The following LIMD1 variants were observed in gnomAD, a reference collection of about 807,000 sequenced individuals.
LIMD1 encodes the protein LIM domain-containing protein 1.
LIMD1 carries 23 observed loss-of-function variants against 58.4 expected under a neutral mutation model. The ratio of observed to expected loss-of-function variants is 0.39; its 90% confidence interval spans 0.28 to 0.56. The LOEUF (loss-of-function observed/expected upper bound fraction) is 0.56. LIMD1 is among the 20% of genes least tolerant of loss of function. The pLI is 0.57. For synonymous variants in LIMD1, 334 were observed against 345.5 expected (o/e 0.97, Z 0.37); for missense variants, 838 against 855.5 (o/e 0.98, Z 0.25).
At chr3:45,660,319 CA>C (rs1344828137) in intron 2 of LIMD1, among the ~76,000 whole-genome samples, 1 of 151,760 alleles carries the variant, frequency 6.6e-6, no homozygotes, top group African/African-American at 2.4e-5. Flanking sequence ...TGGGGAGCTC[CA>C]CAAGTAAAGA....
At chr3:45,654,416 AT>A (rs1215996616) in intron 2 of LIMD1, among the ~76,000 whole-genome samples, 1 of 152,214 alleles carries the variant, frequency 6.6e-6, no homozygotes, top group Non-Finnish European at 1.5e-5. Context: ...GTTTTGTCAG[AT>A]TAAATGGCTG....
Position 45,672,721 on chromosome 3 carries a change from C to G in LIMD1, c.1673C>G (p.Pro558Arg). Residue 558 changes from proline (P) to arginine (R), a missense_variant, in exon 5 of 8, where the codon CCC becomes CGC. Pro to Arg is a moderately radical substitution (Grantham distance 103). This residue lies in a region of LIMD1 where 174 missense variants were observed against 197.4 expected (regional missense o/e 0.88). Transcript: ENST00000273317. The stretch of plus-strand genomic sequence containing the variant: ...CAAGCCCTGGGGAAGTCCTACCACC[C>G]CGGCTGTTTCCGCTGTGTCATCTGT... ...ILQALGKSYH[P>R]GCFRCVICNE... 1 of 1,614,026 alleles carries G rather than the reference C, an allele frequency of 6.2e-7. No individual in the cohort carries two copies. The highest frequency in any genetic ancestry group is 1.1e-5 in the South Asian group (1 of 91,078).
chr3:45,627,748 C>G (rs1701680281), intron 1 of LIMD1, among the ~76,000 whole-genome samples: 4 of 149,262 alleles, frequency 2.7e-5, no homozygotes, highest in Admixed American at 1.3e-4. Context: ...TAGCTCATGC[C>G]TGTAATCCCA....
chr3:45,683,286 CT>C lies in LIMD1; in HGVS notation c.*6229del, dbSNP rs931852845. The stretch of plus-strand genomic sequence containing the variant: ...ATAGGGTCTGGAGGCATGGAATTGG[CT>C]TCCTAAGGCCAATTCAGGCTGACTT... On this transcript the variant is annotated 3_prime_UTR_variant, in exon 8 of 8. Coordinates refer to ENST00000273317, the MANE Select transcript of LIMD1 (RefSeq NM_014240.3). 12 of 152,300 alleles carry C rather than the reference CT, an allele frequency of 7.9e-5. No homozygotes were observed. The highest frequency in any genetic ancestry group is 2.9e-4 in the African/African-American group (12 of 41,540). 9.4% of individuals were successfully genotyped at this position (152,300 alleles called of 1,614,324 possible).
At chr3:45,638,013 A>G (rs1226819086) in intron 2 of LIMD1, among the ~76,000 whole-genome samples, 1 of 63,726 alleles carries the variant, frequency 1.6e-5, no homozygotes, top group Non-Finnish European at 3.0e-5. Flanking sequence ...TGTAAGTTGT[A>G]GAATATTGAT....
chr3:45,624,495 C>T (rs528296988), intron 1 of LIMD1, among the ~76,000 whole-genome samples: 1 of 152,132 alleles, frequency 6.6e-6, no homozygotes, highest in Admixed American at 6.5e-5. Context: ...ATCATGAGGT[C>T]AGGAGATCGA....
chr3:45,606,395 G>A (rs1253669051), intron 1 of LIMD1, among the ~76,000 whole-genome samples: 1 of 152,192 alleles, frequency 6.6e-6, no homozygotes, highest in Non-Finnish European at 1.5e-5. Flanking sequence ...TTGTACTCTG[G>A]TGGAGCCAGG....
chr3:45,595,295 A>G lies in LIMD1; in HGVS notation c.416A>G (p.His139Arg), dbSNP rs759689392. The G allele has an allele frequency of 1.1e-5, 17 of 1,613,234 alleles. No individual in the cohort carries two copies. Among genetic ancestry groups the G allele is most frequent in the Non-Finnish European group, 1.4e-5 (17 of 1,180,036 alleles). The change falls in exon 1 of 8, where the codon CAT becomes CGT. Residue 139 changes from histidine to arginine, a missense_variant. By Grantham distance (29) the His-to-Arg change is conservative. Around this residue, in one of 3 missense-constraint regions of LIMD1, gnomAD observed 659 missense variants for 639.8 expected, o/e 1.03. Transcript: ENST00000273317. ...GAGCAGAGATCCAGGCCATACCTGCATGGCACGAGGCATGGCAGCCAGGAC... is the reference window on the plus strand; with the variant it reads ...GAGCAGAGATCCAGGCCATACCTGCGTGGCACGAGGCATGGCAGCCAGGAC... Reference protein sequence around the residue: ...PQEQRSRPYLHGTRHGSQDCG... With the variant: ...PQEQRSRPYLRGTRHGSQDCG...
chr3:45,628,249 C>A (rs1202990494), intron 1 of LIMD1, among the ~76,000 whole-genome samples: 1 of 151,908 alleles, frequency 6.6e-6, no homozygotes, highest in African/African-American at 2.4e-5. Flanking sequence ...GTTTGTAGGA[C>A]TCTAGCAAAA....
intron 1 of LIMD1, among the ~76,000 whole-genome samples, chr3:45,632,873 C>T (rs896494712): frequency 2.6e-5 from 4 of 152,210 alleles, no homozygotes; most frequent in African/African-American, 9.7e-5. Flanking sequence ...CGCGACACCA[C>T]TGCTTTCCAG....
chr3:45,633,731 C>T (rs1187478661), intron 1 of LIMD1, among the ~76,000 whole-genome samples: 3 of 152,180 alleles, frequency 2.0e-5, no homozygotes, highest in Non-Finnish European at 4.4e-5. Flanking sequence ...TGTCTGTTTC[C>T]TACAGACTGC....
intron 1 of LIMD1, among the ~76,000 whole-genome samples, chr3:45,612,070 GCTCT>G (rs112847908): frequency 1.9e-3 from 279 of 144,862 alleles, no homozygotes; most frequent in African/African-American, 5.4e-3. Flanking sequence ...GCAGGTGCGC[GCTCT>G]CTCTCTCTCT....
intron 1 of LIMD1, among the ~76,000 whole-genome samples, chr3:45,630,100 C>G (rs1200633833): frequency 1.3e-5 from 2 of 152,160 alleles, no homozygotes; most frequent in Non-Finnish European, 2.9e-5. Context: ...CCTTATTCCT[C>G]TCACTTCCCT....
At chr3:45,601,975 C>T (rs1263571249) in intron 1 of LIMD1, among the ~76,000 whole-genome samples, 6 of 150,658 alleles carry the variant, frequency 4.0e-5, no homozygotes, top group Non-Finnish European at 7.4e-5. Context: ...CAGAGTCTCG[C>T]TCTGTCGCCC....
At chr3:45,604,286 G>A (rs187963954) in intron 1 of LIMD1, among the ~76,000 whole-genome samples, 201 of 152,246 alleles carry the variant, frequency 1.3e-3, no homozygotes, top group African/African-American at 4.5e-3. Flanking sequence ...ACTGGATACC[G>A]TCTCGGTCCT....
Position 45,594,979 on chromosome 3 carries a change from G to T in LIMD1, c.100G>T (p.Gly34Cys). 1.2e-6 allele frequency: 2 copies of T among 1,613,998 alleles called. No individual in the cohort carries two copies. The highest frequency in any genetic ancestry group is 1.7e-6 in the Non-Finnish European group (2 of 1,180,034). ...SKDGLFRVDK[G>C]AGNNPEFEET... ...GGATGGGCTCTTCCGAGTGGACAAG[G>T]GTGCAGGCAACAACCCCGAGTTTGA... The change falls in exon 1 of 8, where the codon GGT (glycine) becomes TGT (cysteine). Residue 34 changes from glycine (G) to cysteine (C), a missense_variant. By Grantham distance (159) the Gly-to-Cys change is radical. This residue lies in a region of LIMD1 where 659 missense variants were observed against 639.8 expected (regional missense o/e 1.03). Transcript: ENST00000273317.
In LIMD1 at chr3:45,599,050, T is replaced by C. The variant is rs1264704751; in HGVS notation, c.1408+2763T>C. ...TACTGCTGGGACTTGAACCTGACAGTTCAGTTCAGCCTCAGGGCCCATGTG... is the reference window on the plus strand; with the variant it reads ...TACTGCTGGGACTTGAACCTGACAGCTCAGTTCAGCCTCAGGGCCCATGTG... On this transcript the variant is annotated intron_variant, in intron 1 of 7. Transcript: ENST00000273317. 2.0e-5 allele frequency among the ~76,000 whole-genome samples: 3 copies of C among 152,236 alleles called. No homozygotes were observed. In the East Asian group the frequency reaches 5.8e-4, roughly 29 times the overall value.
Position 45,595,181 on chromosome 3 carries a change from G to A in LIMD1, c.302G>A (p.Gly101Asp). 1 of 1,603,512 alleles carries A rather than the reference G, an allele frequency of 6.2e-7. No homozygotes were observed. The highest frequency in any genetic ancestry group is 8.5e-7 in the Non-Finnish European group (1 of 1,174,994). ...GTGGGCAGCAAGCTGACTGTGGATG[G>A]TGCTGCCAAGCCTCCTCTTGCTGCC... ...EVVGSKLTVD[G>D]AAKPPLAAST... Residue 101 changes from glycine to aspartate, a missense_variant, in exon 1 of 8, where the codon GGT becomes GAT. Physicochemically the swap from Gly to Asp is moderately conservative, Grantham distance 94 (BLOSUM62 -1). Transcript: ENST00000273317.
rs551607819 is a variant in LIMD1 at position 45,666,128 on chromosome 3, C to T, written c.1578+411C>T. Among the ~76,000 whole-genome samples the T allele has an allele frequency of 9.8e-5, 15 of 152,306 alleles. No homozygotes were observed. The South Asian group carries it at 3.1e-3, about 32-fold the overall frequency. Reference sequence around the variant, plus strand: ...TCTAGCCCTGCCGCACCTCTGAGGCCAGCTGCTGGCATCCCACTGGCCCCT... The same window carrying T: ...TCTAGCCCTGCCGCACCTCTGAGGCTAGCTGCTGGCATCCCACTGGCCCCT... On this transcript the variant is annotated intron_variant, in intron 3 of 7. Coordinates refer to ENST00000273317, the MANE Select transcript of LIMD1 (RefSeq NM_014240.3).
Sources: gnomAD v4.1 joint callset for allele counts (sites outside exome capture counted in the v4.1 genomes callset) on GRCh38, gnomAD v4.1.1 for gene constraint, gnomAD v4.1.1 regional missense constraint, MANE v1.5 for transcripts, NCBI Gene and HGNC (gene_info 2026-07-23, HGNC 2026-07-21) for gene names.